EPS15: variants seen among roughly 807,000 people sequenced by gnomAD.
EPS15 encodes epidermal growth factor receptor pathway substrate 15, also known as epidermal growth factor receptor substrate 15.
A neutral mutation model predicts 113.8 loss-of-function variants in EPS15; 72 were observed. The observed-to-expected ratio is 0.63, with a 90% CI of 0.52 to 0.77. The LOEUF is 0.77. Ranked by LOEUF, EPS15 falls within the 30% of genes least tolerant of loss-of-function variation. The pLI, the probability that EPS15 is intolerant of heterozygous loss-of-function variation, is 0.00. For missense variants in EPS15, 1,048 were observed against 1,045.8 expected, an observed-to-expected ratio of 1.00 and a Z score of -0.03; for synonymous variants, 344 against 363.4, an observed-to-expected ratio of 0.95 and a Z score of 0.61.
chr1:51,443,125 G>T (rs1274866977), intron 11 of EPS15, among the ~76,000 whole-genome samples: 1 of 152,002 alleles, frequency 6.6e-6, no homozygotes, highest in Non-Finnish European at 1.5e-5. Context: ...ATAGACAAAC[G>T]TATCTATGAT....
At chr1:51,408,988 C>T (rs568599702) in intron 14 of EPS15, among the ~76,000 whole-genome samples, 30 of 152,116 alleles carry the variant, frequency 2.0e-4, no homozygotes, top group South Asian at 1.2e-3. Context: ...TTAGTAGAGA[C>T]GGGGTTTCAC....
chr1:51,375,095 C>T (rs1464241049), intron 21 of EPS15, among the ~76,000 whole-genome samples: 3 of 136,654 alleles, frequency 2.2e-5, no homozygotes, highest in Non-Finnish European at 3.1e-5. Context: ...TCTGCCTCCT[C>T]GGTTCACGCC....
chr1:51,374,345 G>A (rs964435810), intron 21 of EPS15, among the ~76,000 whole-genome samples: 11 of 152,254 alleles, frequency 7.2e-5, no homozygotes, highest in South Asian at 2.1e-4. Flanking sequence ...TGCCGGGTAC[G>A]GTTGCTCATG....
rs1647258862 is a variant in EPS15 at position 51,390,583 on chromosome 1, A to C, written c.2119+3798T>G. Among the ~76,000 whole-genome samples the C allele has an allele frequency of 5.3e-5, 8 of 152,178 alleles. No individual in the cohort carries two copies. In the South Asian group the frequency reaches 1.7e-3, roughly 32 times the overall value. On this transcript the variant is annotated intron_variant, in intron 21 of 24. Coordinates refer to ENST00000371733, the MANE Select transcript of EPS15 (RefSeq NM_001981.3). The stretch of plus-strand genomic sequence containing the variant: ...CCTACTCATCTGACAAAGGGCTAAT[A>C]TCCAGAATCTACAATGAACTCAAAC...
chr1:51,476,000 G>A lies in EPS15; in HGVS notation c.76-3052C>T, dbSNP rs560495413. On this transcript the variant is annotated intron_variant, in intron 2 of 24. Transcript: ENST00000371733. Reference sequence around the variant, plus strand: ...AAGATCAGATGACTGTAGATGTGTGGTATTATTTCTGAGGGCTCTGCTCTG... The same window carrying A: ...AAGATCAGATGACTGTAGATGTGTGATATTATTTCTGAGGGCTCTGCTCTG... 3.3e-5 allele frequency among the ~76,000 whole-genome samples: 5 copies of A among 152,212 alleles called. No homozygotes were observed. The South Asian group carries it at 1.0e-3, about 32-fold the overall frequency.
intron 1 of EPS15, among the ~76,000 whole-genome samples, chr1:51,503,857 A>T (rs940398115): frequency 2.6e-5 from 4 of 152,214 alleles, no homozygotes; most frequent in Admixed American, 2.0e-4. Context: ...CTTTTCAACA[A>T]ATGATGCTGG....
At chr1:51,377,852 A>T (rs1347627025) in intron 21 of EPS15, among the ~76,000 whole-genome samples, 1 of 151,068 alleles carries the variant, frequency 6.6e-6, no homozygotes, top group Non-Finnish European at 1.5e-5. Context: ...ATTCTCCACC[A>T]CCAAGAAGAT....
At chr1:51,387,713 G>A (rs1010651619) in intron 21 of EPS15, among the ~76,000 whole-genome samples, 1 of 152,128 alleles carries the variant, frequency 6.6e-6, no homozygotes, top group African/African-American at 2.4e-5. Flanking sequence ...AAGATCAAAA[G>A]AGACAAAGAA....
At chr1:51,451,505 A>G (rs548421547) in intron 8 of EPS15, among the ~76,000 whole-genome samples, 46 of 147,652 alleles carry the variant, frequency 3.1e-4, no homozygotes, top group Middle Eastern at 7.0e-3. Context: ...AAAAAAAAAA[A>G]AAAGAAAGAA....
At chr1:51,388,173 A>G (rs1459765828) in intron 21 of EPS15, among the ~76,000 whole-genome samples, 2 of 152,232 alleles carry the variant, frequency 1.3e-5, no homozygotes, top group Non-Finnish European at 2.9e-5. Context: ...AACTCACTCA[A>G]AACCACTCAA....
intron 1 of EPS15, among the ~76,000 whole-genome samples, chr1:51,483,183 G>A (rs193280752): frequency 2.6e-5 from 4 of 152,160 alleles, no homozygotes; most frequent in African/African-American, 9.6e-5. Flanking sequence ...TCAGTTATCA[G>A]GCTGACAGAT....
At chr1:51,379,009 A>G (rs1646870102) in intron 21 of EPS15, among the ~76,000 whole-genome samples, 1 of 152,250 alleles carries the variant, frequency 6.6e-6, no homozygotes, top group Non-Finnish European at 1.5e-5. Context: ...TAAACTCAAA[A>G]GAGTCCTATG....
At chr1:51,412,128 G>T (rs1476810492) in intron 13 of EPS15, among the ~76,000 whole-genome samples, 1 of 152,114 alleles carries the variant, frequency 6.6e-6, no homozygotes, top group Non-Finnish European at 1.5e-5. Context: ...AACACCACAT[G>T]TTCTCACTCA....
chr1:51,514,116 A>C (rs986813957), intron 1 of EPS15, among the ~76,000 whole-genome samples: 4 of 152,192 alleles, frequency 2.6e-5, no homozygotes, highest in African/African-American at 9.6e-5. Flanking sequence ...TGTCTAAATA[A>C]AAAAAGTTCA....
intron 1 of EPS15, among the ~76,000 whole-genome samples, chr1:51,512,134 A>G (rs1220226198): frequency 6.6e-6 from 1 of 152,380 alleles, no homozygotes; most frequent in Non-Finnish European, 1.5e-5. Flanking sequence ...AAAGCAGAGT[A>G]TATGAGGCAG....
chr1:51,402,099 T>C (rs1570212517), intron 18 of EPS15, among the ~76,000 whole-genome samples: 1 of 152,318 alleles, frequency 6.6e-6, no homozygotes, highest in South Asian at 2.1e-4. Context: ...ATTGTGCCAC[T>C]GCACTCCAGC....
intron 12 of EPS15, among the ~76,000 whole-genome samples, chr1:51,433,243 G>A (rs969750604): frequency 2.6e-5 from 4 of 152,142 alleles, no homozygotes; most frequent in African/African-American, 7.2e-5. Flanking sequence ...AATATTTAGT[G>A]AACAGCTATT....
chr1:51,405,699 CA>C (rs199667048), intron 16 of EPS15, among the ~76,000 whole-genome samples: 2,784 of 142,670 alleles, frequency 0.02, 82 homozygotes, highest in African/African-American at 0.067. Context: ...ACTCCATCTC[CA>C]AAAAAAAAAA....
rs570252048 is a variant in EPS15 at position 51,465,467 on chromosome 1, G to T, written c.310-141C>A. 3.7e-5 allele frequency: 19 copies of T among 507,746 alleles called. No homozygotes were observed. In the South Asian group the frequency reaches 3.9e-4, roughly 11 times the overall value. The allele number at this position is 507,746 out of a possible 1,614,324, so 31.5% of individuals were successfully genotyped here. On this transcript the variant is annotated intron_variant, in intron 5 of 24. Coordinates refer to ENST00000371733, the MANE Select transcript of EPS15 (RefSeq NM_001981.3). ...ACAGGACACTATTTTACATTTACTAGACCATCTAAATAACAATGAAACAAA... is the reference window on the plus strand; with the variant it reads ...ACAGGACACTATTTTACATTTACTATACCATCTAAATAACAATGAAACAAA...
Sources: allele counts gnomAD v4.1 joint callset (sites outside exome capture counted in the v4.1 genomes callset), GRCh38; gene constraint gnomAD v4.1.1; transcripts MANE v1.5; gene names NCBI Gene and HGNC (gene_info 2026-07-23, HGNC 2026-07-21).